The following STK10 variants were observed in gnomAD, a reference collection of about 807,000 sequenced individuals.
STK10 encodes serine/threonine-protein kinase 10.
Under a neutral mutation model 113.8 loss-of-function variants are expected in STK10, and 78 were observed. That is an observed-to-expected ratio of 0.69 (90% CI 0.57 to 0.83). The LOEUF is 0.83. Ranked by LOEUF, STK10 falls within the 40% of genes least tolerant of loss-of-function variation. The probability of loss-of-function intolerance (pLI) is 0.00; values close to 1 mark genes in which losing one functional copy is unlikely to be tolerated. For missense variants in STK10, 1,109 were observed against 1,280.1 expected (o/e 0.87, Z 2.04); for synonymous variants, 465 against 494.7 (o/e 0.94, Z 0.80).
At position 172,150,359 on chromosome 5, in the gene STK10, T is replaced by A. The variant is rs563282963; in HGVS notation, c.321+6265A>T. Among the ~76,000 whole-genome samples, 331 of 151,304 alleles carry A rather than the reference T, an allele frequency of 2.2e-3. 3 individuals carry two copies. Among genetic ancestry groups the A allele is most frequent in the African/African-American group, 7.8e-3 (322 of 41,178 alleles). On this transcript the variant is annotated intron_variant, in intron 2 of 18. Coordinates refer to ENST00000176763, the MANE Select transcript of STK10 (RefSeq NM_005990.4). ...AGCCGGGTGTGGTGGTGCATGCCTG[T>A]AATCCCAGCTAGTCGGGAAGCTGAG... is the stretch of plus-strand genomic sequence containing the variant.
intron 12 of STK10, among the ~76,000 whole-genome samples, chr5:172,068,562 T>C (rs1768117579): frequency 2.0e-5 from 3 of 152,306 alleles, no homozygotes; most frequent in South Asian, 4.1e-4. Flanking sequence ...TGGATAAACA[T>C]AATCAACACT....
intron 2 of STK10, among the ~76,000 whole-genome samples, chr5:172,134,578 T>A (rs1769815174): frequency 6.6e-6 from 1 of 151,952 alleles, no homozygotes; most frequent in Non-Finnish European, 1.5e-5. Context: ...CTGGACTTCA[T>A]CAACATTGAA....
intron 13 of STK10, among the ~76,000 whole-genome samples, chr5:172,062,519 T>C (rs1767958259): frequency 6.8e-6 from 1 of 146,950 alleles, no homozygotes; most frequent in African/African-American, 2.7e-5. Flanking sequence ...GATAGATAAA[T>C]GGATAAATCA....
intron 4 of STK10, among the ~76,000 whole-genome samples, chr5:172,114,289 CGTGTGTGTGTGT>C (rs111441878): frequency 7.2e-6 from 1 of 138,774 alleles, no homozygotes; most frequent in Non-Finnish European, 1.5e-5. Context: ...TAGCTACTCT[CGTGTGTGTGTGT>C]GTGTGTGTGT....
chr5:172,157,952 G>A (rs934481460), intron 1 of STK10, among the ~76,000 whole-genome samples: 3 of 152,096 alleles, frequency 2.0e-5, no homozygotes, highest in Admixed American at 6.6e-5. Context: ...CATTTCCCAC[G>A]CACTAACAGT....
chr5:172,047,669 A>G (rs1343527904), intron 18 of STK10, among the ~76,000 whole-genome samples: 1 of 152,168 alleles, frequency 6.6e-6, no homozygotes, highest in Non-Finnish European at 1.5e-5. Flanking sequence ...CCTCCTGTCC[A>G]GACCACAGTT....
chr5:172,090,423 C>T, intron 9 of STK10, 61 bp from the exon 10 acceptor site: 1 of 1,581,956 alleles, frequency 6.3e-7, no homozygotes, highest in Non-Finnish European at 8.6e-7. Context: ...ATGGCTGTCG[C>T]AGCAGGTGAG....
chr5:172,178,467 T>TTC (rs1561836752), intron 1 of STK10, among the ~76,000 whole-genome samples: 3 of 151,952 alleles, frequency 2.0e-5, no homozygotes, highest in African/African-American at 7.3e-5. Context: ...GCAGCACCTT[T>TTC]CGGTCTCCTC....
chr5:172,117,653 G>A lies in STK10; in HGVS notation c.371-23C>T, dbSNP rs775226142. 8 of 1,613,428 alleles carry A rather than the reference G, an allele frequency of 5.0e-6. No individual in the cohort carries two copies. The Admixed American group carries it at 5.0e-5, about 10-fold the overall frequency. On this transcript the variant is annotated intron_variant, in intron 3 of 18. Transcript: ENST00000176763. ...GCTCTGGAAATGGAGGAGAACGGCT[G>A]TCAATTCAGTAAGCCCTGGACACAG...
chr5:172,080,141 T>G (rs746127420), intron 12 of STK10, among the ~76,000 whole-genome samples: 7 of 152,162 alleles, frequency 4.6e-5, no homozygotes, highest in Admixed American at 1.3e-4. Context: ...ATGAGTGAGC[T>G]CTGATGTTAC....
intron 9 of STK10, chr5:172,092,815 GGGAA>G: frequency 6.6e-6 from 1 of 152,296 alleles, no homozygotes; most frequent in Non-Finnish European, 1.5e-5. Flanking sequence ...GGCTCCCACT[GGGAA>G]GGTTTAGAGT....
chr5:172,046,927 G>C (rs1767506013), intron 18 of STK10, among the ~76,000 whole-genome samples: 1 of 152,206 alleles, frequency 6.6e-6, no homozygotes, highest in Non-Finnish European at 1.5e-5. Context: ...AAAAGCCAGG[G>C]TTCAGGAGGG....
chr5:172,088,818 A>T (rs1768627137), intron 10 of STK10, among the ~76,000 whole-genome samples: 1 of 152,162 alleles, frequency 6.6e-6, no homozygotes, highest in Non-Finnish European at 1.5e-5. Context: ...CTTGCCCAGA[A>T]ATAGTGTTTC....
chr5:172,163,185 G>A (rs1045969525), intron 1 of STK10, among the ~76,000 whole-genome samples: 6 of 152,122 alleles, frequency 3.9e-5, no homozygotes, highest in Non-Finnish European at 8.8e-5. Context: ...GGACTTAAAC[G>A]GAATTTCTCA....
At chr5:172,118,897 A>AAAAAAAAAAAAAAAT (rs1561815178) in intron 3 of STK10, among the ~76,000 whole-genome samples, 2 of 149,534 alleles carry the variant, frequency 1.3e-5, no homozygotes, top group African/African-American at 2.5e-5. Flanking sequence ...AAAAAAAAAA[A>AAAAAAAAAAAAAAAT]GTGTCCACTG....
chr5:172,093,705 T>C lies in STK10; in HGVS notation c.1261A>G (p.Arg421Gly), dbSNP rs756649588. 5.0e-6 allele frequency: 8 copies of C among 1,614,218 alleles called. No individual in the cohort carries two copies. Among genetic ancestry groups the C allele is most frequent in the Middle Eastern group, 3.3e-4 (2 of 6,062 alleles). Reference sequence around the variant, plus strand: ...TGCTTCTCCTGGGCTACCTGAATTCTGGCATCCATTGACACGGGTCGGGAC... The same window carrying C: ...TGCTTCTCCTGGGCTACCTGAATTCCGGCATCCATTGACACGGGTCGGGAC... ...RKSRPVSMDA[R>G]IQVAQEKQVA... Residue 421 changes from arginine (R) to glycine (G), a missense_variant, in exon 9 of 19, where the codon AGA (arginine) becomes GGA (glycine). This residue lies in a region of STK10 where 885 missense variants were observed against 991.1 expected (regional missense o/e 0.89). Transcript: ENST00000176763. The surrounding 1 kb of genome is among the most constrained non-coding windows in gnomAD (Gnocchi z 4.1).
chr5:172,160,807 G>A (rs962401714), intron 1 of STK10, among the ~76,000 whole-genome samples: 1 of 152,184 alleles, frequency 6.6e-6, no homozygotes, highest in Non-Finnish European at 1.5e-5. Flanking sequence ...TGCAAGTCCA[G>A]GTTTAGAGGG....
chr5:172,049,723 T>C (rs1385950311), intron 18 of STK10, among the ~76,000 whole-genome samples: 2 of 152,236 alleles, frequency 1.3e-5, no homozygotes, highest in Admixed American at 1.3e-4. Context: ...GTAAAACTTC[T>C]GGAGCTTCTG....
Position 172,093,797 on chromosome 5 carries a change from G to A in STK10, c.1169C>T (p.Thr390Ile). 1 of 1,608,728 alleles carries A rather than the reference G, an allele frequency of 6.2e-7. No individual in the cohort carries two copies. Among genetic ancestry groups the A allele is most frequent in the Non-Finnish European group, 8.5e-7 (1 of 1,175,950 alleles). Residue 390 changes from threonine to isoleucine, a missense_variant, in exon 9 of 19, where the codon ACC (threonine) becomes ATC (isoleucine). Thr to Ile is a moderately conservative substitution (Grantham distance 89). Transcript: ENST00000176763. This position sits in a 1 kb window ranked among gnomAD's most constrained non-coding sequence, Gnocchi z 4.1. ...SQPSGDRSLQ[T>I]TSPPVVAPGN... ...AGGGGCCACGACTGGGGGACTGGTG[G>A]TTTGGAGGGATCTGTCCCCAGAGGG... is the stretch of plus-strand genomic sequence containing the variant.
Sources: gnomAD v4.1 joint callset for allele counts (sites outside exome capture counted in the v4.1 genomes callset) on GRCh38, gnomAD v4.1.1 for gene constraint, gnomAD v4.1.1 regional missense constraint, Gnocchi (gnomAD v3.1) non-coding constraint, MANE v1.5 for transcripts, NCBI Gene and HGNC (gene_info 2026-07-23, HGNC 2026-07-21) for gene names.